Variants in RALGDS observed in about 807,000 individuals in gnomAD.
RALGDS encodes ral guanine nucleotide exchange factor.
RALGDS carries 44 observed loss-of-function variants against 99.8 expected under a neutral mutation model. The ratio of observed to expected loss-of-function variants is 0.44; its 90% CI spans 0.35 to 0.57. The LOEUF (loss-of-function observed/expected upper bound fraction) is 0.57. Among genes scored for constraint, RALGDS ranks in the 20% least tolerant of loss-of-function variants. The pLI, the probability that RALGDS is intolerant of heterozygous loss-of-function variation, is 0.01. For synonymous variants in RALGDS, 529 were observed against 505.0 expected (o/e 1.05, Z -0.64); for missense variants, 1,022 against 1,203.1 (o/e 0.85, Z 2.23).
chr9:133,115,174 G>A (rs1003001442), intron 1 of RALGDS, among the ~76,000 whole-genome samples: 4 of 152,134 alleles, frequency 2.6e-5, no homozygotes, highest in African/African-American at 7.2e-5. Context: ...TCAGGCCAAC[G>A]GCACCTCCTC....
chr9:133,124,093 CAG>C (rs1478867335), upstream of RALGDS, among the ~76,000 whole-genome samples: 5 of 114,780 alleles, frequency 4.4e-5, 1 homozygote, highest in African/African-American at 6.7e-5. Flanking sequence ...CAAAGATACA[CAG>C]AGATGCACAC....
chr9:133,130,845 C>T (rs576179461), intron 1 of RALGDS: 52 of 1,101,582 alleles, frequency 4.7e-5, no homozygotes, highest in African/African-American at 2.7e-4. Context: ...AGCTTGCAGA[C>T]GCTCCTTCCA....
chr9:133,101,829 T>A, intron 15 of RALGDS, 67 bp from the exon 16 acceptor site: 11 of 1,554,840 alleles, frequency 7.1e-6, no homozygotes, highest in Non-Finnish European at 9.6e-6. Context: ...AGCTGCCAGA[T>A]GGGGAACCTT....
In RALGDS at chr9:133,130,396, G is replaced by A. The variant is rs560046101; in HGVS notation, c.132+556C>T. ...CCCAAAGTGGTAAGATTACAGGTGT[G>A]AGCCACCGCACCCGGCCACAAGATT... On this transcript the variant is annotated intron_variant, in intron 1 of 17. Coordinates refer to the RALGDS transcript ENST00000372062. Among the ~76,000 whole-genome samples the A allele has an allele frequency of 2.0e-5, 3 of 152,302 alleles. No homozygotes were observed. The South Asian group carries it at 6.2e-4, about 32-fold the overall frequency.
intron 8 of RALGDS, 150 bp downstream of exon 8, chr9:133,106,495 C>G: frequency 1.6e-6 from 1 of 630,554 alleles, no homozygotes; most frequent in Non-Finnish European, 2.9e-6. Context: ...CTTAGGAAGC[C>G]GAGCTCTGAG....
At chr9:133,124,235 CACAT>C (rs777167430), upstream of RALGDS, among the ~76,000 whole-genome samples, 190 of 151,900 alleles carry the variant, frequency 1.3e-3, no homozygotes, top group Non-Finnish European at 2.3e-3. Flanking sequence ...CACACACACA[CACAT>C]AGAGACAGAC....
intron 16 of RALGDS, 129 bp from the exon 17 acceptor site, chr9:133,100,511 G>A: frequency 6.4e-7 from 1 of 1,570,270 alleles, no homozygotes; most frequent in Non-Finnish European, 8.6e-7. Flanking sequence ...CTGGCCAGGT[G>A]CTGGGTCCGG....
chr9:133,103,691 G>A (rs1830868273), intron 11 of RALGDS, 56 bp downstream of exon 11: 1 of 1,559,428 alleles, frequency 6.4e-7, no homozygotes, highest in Non-Finnish European at 8.8e-7. Flanking sequence ...AGCCCCCAGG[G>A]CTCAGGGAAG....
intron 1 of RALGDS, among the ~76,000 whole-genome samples, chr9:133,136,674 G>A (rs1832432693): frequency 6.6e-6 from 1 of 152,220 alleles, no homozygotes; most frequent in Non-Finnish European, 1.5e-5. Flanking sequence ...TCGGGAGGCT[G>A]AGGCAGAGAA....
At chr9:133,131,216 T>C (rs1172839056), upstream of RALGDS, 3 of 1,163,690 alleles carry the variant, frequency 2.6e-6, no homozygotes, top group Non-Finnish European at 3.2e-6. Context: ...GAGCAGACAG[T>C]TCAGGGCCTG....
intron 3 of RALGDS, 29 bp downstream of exon 3, chr9:133,110,267 A>C: frequency 6.2e-7 from 1 of 1,603,638 alleles, no homozygotes; most frequent in Non-Finnish European, 8.5e-7. Context: ...GCCCCTGTGC[A>C]CCCTGTGCAG....
At chr9:133,116,639 C>T (rs1343664815) in intron 1 of RALGDS, among the ~76,000 whole-genome samples, 1 of 152,256 alleles carries the variant, frequency 6.6e-6, no homozygotes, top group Admixed American at 6.5e-5. Flanking sequence ...CAAGGGGGTG[C>T]AGGGCAGCCC....
Position 133,109,855 on chromosome 9 carries a change from G to A in RALGDS, c.489-134C>T, listed in dbSNP as rs1466892825. 4.1e-6 allele frequency: 3 copies of A among 723,572 alleles called. No individual in the cohort carries two copies. The African/African-American group carries it at 5.3e-5, about 13-fold the overall frequency. The allele number at this position is 723,572 out of a possible 1,614,324, so 44.8% of individuals were successfully genotyped here. ...AGAAAAGGGCCAGCACACAGTAGGT[G>A]CTTCATATATATTTGTTCAATGAAT... On this transcript the variant is annotated intron_variant, in intron 3 of 17. Coordinates refer to ENST00000372050, the MANE Select transcript of RALGDS (RefSeq NM_006266.4).
At chr9:133,139,675 G>A (rs1413054481) in intron 1 of RALGDS, among the ~76,000 whole-genome samples, 1 of 152,206 alleles carries the variant, frequency 6.6e-6, no homozygotes, top group Non-Finnish European at 1.5e-5. Flanking sequence ...AAAACCTGTG[G>A]ATTCAACTTA....
intron 1 of RALGDS, among the ~76,000 whole-genome samples, chr9:133,143,780 CAACAACAATAATAAT>C (rs1484125869): frequency 2.9e-5 from 3 of 103,804 alleles, no homozygotes; most frequent in African/African-American, 1.5e-4. Flanking sequence ...ATAACAACAA[CAACAACAATAATAAT>C]AATAATAATA....
intron 1 of RALGDS, among the ~76,000 whole-genome samples, chr9:133,114,828 G>A (rs1055039937): frequency 1.3e-5 from 2 of 152,214 alleles, no homozygotes; most frequent in East Asian, 1.9e-4. Context: ...GGACCCAGTC[G>A]GCAGCTGTGC....
In RALGDS at chr9:133,108,315, G is replaced by A. The variant is rs1018880517; in HGVS notation, c.870C>T (p.Ala290=). 3 of 1,545,692 alleles carry A rather than the reference G, an allele frequency of 1.9e-6. No homozygotes were observed. The change falls in exon 6 of 18, where the codon GCC becomes GCT. Residue 290 remains alanine, a synonymous_variant. Coordinates refer to ENST00000372050, the MANE Select transcript of RALGDS (RefSeq NM_006266.4). ...ARAPSPVPAP[A]PEPEPAPTPA... ...GTGTTGGAGCTGGCTCTGGCTCCGG[G>A]GCTGGAGCCGGCACTGGGCTGGGTG...
chr9:133,109,798 T>G, intron 3 of RALGDS, 77 bp from the exon 4 acceptor site: 1 of 1,201,354 alleles, frequency 8.3e-7, no homozygotes, highest in Non-Finnish European at 1.2e-6. Flanking sequence ...TTTTTTTTTT[T>G]GCTTTTTTTC....
chr9:133,137,620 G>A (rs1034064866), intron 1 of RALGDS, among the ~76,000 whole-genome samples: 1 of 152,244 alleles, frequency 6.6e-6, no homozygotes, highest in Non-Finnish European at 1.5e-5. Flanking sequence ...AGCCAGGCGG[G>A]GGAAGAGCGA....
Sources: gnomAD v4.1 joint callset for allele counts (sites outside exome capture counted in the v4.1 genomes callset) on GRCh38, gnomAD v4.1.1 for gene constraint, MANE v1.5 for transcripts, NCBI Gene and HGNC (gene_info 2026-07-23, HGNC 2026-07-21) for gene names.